The following GALNT13 variants were observed in gnomAD, a reference collection of about 807,000 sequenced individuals.
The protein encoded by GALNT13 is polypeptide N-acetylgalactosaminyltransferase 13, also known as UDP-GalNAc:polypeptide N-acetylgalactosaminyltransferase 13.
A neutral mutation model predicts 64.2 loss-of-function variants in GALNT13; 28 were observed. The observed-to-expected ratio is 0.44, with a 90% CI of 0.32 to 0.60. The LOEUF (loss-of-function observed/expected upper bound fraction) is 0.60, where lower values mean the gene tolerates loss of function less well. Among genes scored for constraint, GALNT13 ranks in the 20% least tolerant of loss-of-function variants. The pLI is 0.05. For synonymous variants in GALNT13, 214 were observed against 224.6 expected (o/e 0.95, Z 0.42); for missense variants, 577 against 669.8 (o/e 0.86, Z 1.53).
intron 3 of GALNT13, among the ~76,000 whole-genome samples, chr2:153,982,964 C>T (rs1694566663): frequency 6.6e-6 from 1 of 151,834 alleles, no homozygotes; most frequent in Non-Finnish European, 1.5e-5. Context: ...GAGAAAAACA[C>T]AGAAGGACTA....
At chr2:153,795,176 T>A in the GALNT13 span, among the ~76,000 whole-genome samples, 1 of 152,218 alleles carries the variant, frequency 6.6e-6, no homozygotes, top group Non-Finnish European at 1.5e-5. Context: ...AATATCTTGC[T>A]AGTGATTGAC....
the GALNT13 span, among the ~76,000 whole-genome samples, chr2:153,458,706 A>G: frequency 6.6e-6 from 1 of 152,178 alleles, no homozygotes; most frequent in Admixed American, 6.5e-5. Context: ...AATTCTGGAA[A>G]AAGTAGTTAT....
At chr2:153,679,239 G>A in the GALNT13 span, among the ~76,000 whole-genome samples, 1 of 151,928 alleles carries the variant, frequency 6.6e-6, no homozygotes, top group Non-Finnish European at 1.5e-5. Flanking sequence ...GACTGCCTAA[G>A]CAGCACCCAC....
chr2:153,345,686 T>TCTTTCTTG, the GALNT13 span, among the ~76,000 whole-genome samples: 1 of 145,634 alleles, frequency 6.9e-6, no homozygotes, highest in African/African-American at 2.6e-5. Flanking sequence ...TTTCTTTCTT[T>TCTTTCTTG]CTTTCTTTCT....
intron 4 of GALNT13, among the ~76,000 whole-genome samples, chr2:154,233,627 C>T (rs577611157): frequency 3.7e-4 from 57 of 152,268 alleles, no homozygotes; most frequent in African/African-American, 1.3e-3. Context: ...ACACACAGCA[C>T]AATACCTGCT....
chr2:154,165,209 A>C lies in GALNT13; in HGVS notation c.311+24704A>C, dbSNP rs1684960195. Among the ~76,000 whole-genome samples the C allele has an allele frequency of 2.6e-5, 4 of 152,172 alleles. No homozygotes were observed. The South Asian group carries it at 8.3e-4, about 31-fold the overall frequency. ...AAAGAATAGAATAATATAATCTAAC[A>C]GGGGTCAATTAGAAGACTGATATTT... is the stretch of plus-strand genomic sequence containing the variant. On this transcript the variant is annotated intron_variant, in intron 4 of 12. Coordinates refer to ENST00000392825, the MANE Select transcript of GALNT13 (RefSeq NM_052917.4).
the GALNT13 span, among the ~76,000 whole-genome samples, chr2:153,079,421 AT>A: frequency 6.6e-6 from 1 of 151,998 alleles, no homozygotes; most frequent in Admixed American, 6.6e-5. Flanking sequence ...AAGTATTTTG[AT>A]TTTTTTTCTT....
At chr2:153,692,497 G>C in the GALNT13 span, among the ~76,000 whole-genome samples, 1 of 152,280 alleles carries the variant, frequency 6.6e-6, no homozygotes, top group Admixed American at 6.5e-5. Context: ...GTGTGTTATC[G>C]TAAAATTAAT....
At chr2:154,374,991 T>A (rs1004157763) in intron 9 of GALNT13, among the ~76,000 whole-genome samples, 1 of 152,058 alleles carries the variant, frequency 6.6e-6, no homozygotes, top group African/African-American at 2.4e-5. Context: ...ACAGAAATAA[T>A]TTTGTTGTTG....
chr2:153,721,690 A>G, the GALNT13 span, among the ~76,000 whole-genome samples: 25 of 152,020 alleles, frequency 1.6e-4, no homozygotes, highest in African/African-American at 5.8e-4. Context: ...ACTTTAAACC[A>G]ACAAAGATCA....
At chr2:153,449,290 A>G in the GALNT13 span, among the ~76,000 whole-genome samples, 3 of 152,034 alleles carry the variant, frequency 2.0e-5, no homozygotes, top group African/African-American at 7.2e-5. Context: ...GGTGGGGGTC[A>G]ACAGTTTGAG....
chr2:154,008,183 T>C (rs1432396414), intron 3 of GALNT13, among the ~76,000 whole-genome samples: 2 of 152,200 alleles, frequency 1.3e-5, no homozygotes, highest in African/African-American at 4.8e-5. Context: ...GGCATCCTTT[T>C]CTGGCTCTGG....
the GALNT13 span, among the ~76,000 whole-genome samples, chr2:153,851,274 A>AT: frequency 6.6e-6 from 1 of 152,312 alleles, no homozygotes; most frequent in Admixed American, 6.5e-5. Flanking sequence ...TAAAACAGTC[A>AT]TTTTTGAATT....
intron 2 of GALNT13, among the ~76,000 whole-genome samples, chr2:153,910,206 A>T (rs1400453414): frequency 6.6e-6 from 1 of 151,376 alleles, no homozygotes; most frequent in Non-Finnish European, 1.5e-5. Context: ...TTTCATGTTG[A>T]TTTTTGAGTT....
chr2:153,373,948 C>G, the GALNT13 span, among the ~76,000 whole-genome samples: 4 of 152,082 alleles, frequency 2.6e-5, no homozygotes, highest in Non-Finnish European at 5.9e-5. Context: ...AAATTTCTAT[C>G]TTTTTTACGG....
chr2:153,420,602 C>A, the GALNT13 span: 8 of 195,064 alleles, frequency 4.1e-5, no homozygotes, highest in African/African-American at 1.4e-4. Flanking sequence ...AGATTTAATG[C>A]CTGTCAGCTA....
chr2:154,291,326 T>C (rs1002319736), intron 8 of GALNT13, among the ~76,000 whole-genome samples: 2 of 152,128 alleles, frequency 1.3e-5, no homozygotes, highest in African/African-American at 4.8e-5. Context: ...GATTGGTGCG[T>C]TTACAAAACC....
the GALNT13 span, chr2:153,762,482 A>C: frequency 6.4e-6 from 1 of 155,700 alleles, no homozygotes; most frequent in Non-Finnish European, 1.4e-5. Flanking sequence ...TCGTGGCATC[A>C]GAAATAACTT....
the GALNT13 span, among the ~76,000 whole-genome samples, chr2:153,438,084 A>G: frequency 2.2e-4 from 34 of 152,166 alleles, no homozygotes; most frequent in Non-Finnish European, 2.9e-5. Flanking sequence ...TTCACTTATG[A>G]AGCTTAGTTT....
Sources: allele counts gnomAD v4.1 joint callset (sites outside exome capture counted in the v4.1 genomes callset), GRCh38; gene constraint gnomAD v4.1.1; transcripts MANE v1.5; gene names NCBI Gene and HGNC (gene_info 2026-07-23, HGNC 2026-07-21).